CYP2E1: variants seen among roughly 807,000 people sequenced by gnomAD.
CYP2E1 encodes cytochrome P450 2E1.
CYP2E1 carries 31 observed loss-of-function variants against 42.9 expected under a neutral mutation model. The ratio of observed to expected loss-of-function variants is 0.72; its 90% CI spans 0.54 to 0.98. CYP2E1 has a LOEUF of 0.98. CYP2E1 is among the 50% of genes least tolerant of loss of function. CYP2E1 has a pLI of 0.00. For missense variants in CYP2E1, 565 were observed against 633.2 expected (o/e 0.89, Z 1.16); for synonymous variants, 244 against 248.9 (o/e 0.98, Z 0.19).
intron 6 of CYP2E1, 109 bp downstream of exon 6, chr10:133,534,006 C>A: frequency 8.2e-7 from 1 of 1,220,474 alleles, no homozygotes; most frequent in Non-Finnish European, 1.2e-6. Context: ...TGTTAACCCT[C>A]ATGGTGATGT....
intron 2 of CYP2E1, 87 bp downstream of exon 2, chr10:133,528,727 A>G: frequency 1.4e-6 from 2 of 1,462,816 alleles, no homozygotes; most frequent in Admixed American, 1.8e-5. Flanking sequence ...CGATGGCCAA[A>G]TAATAAACTA....
In CYP2E1 at chr10:133,528,757, A is replaced by G. The variant is rs1589953484; in HGVS notation, c.337+117A>G. On this transcript the variant is annotated intron_variant, in intron 2 of 8. Coordinates refer to ENST00000252945, the MANE Select transcript of CYP2E1 (RefSeq NM_000773.4). ...AAACTAACAGTAATATTATAGTAAC[A>G]GCATCCGAAGGATGAGATCAGGATT... 12 of 1,247,582 alleles carry G rather than the reference A, an allele frequency of 9.6e-6. No homozygotes were observed. The East Asian group carries it at 3.1e-4, about 32-fold the overall frequency. 77.3% of individuals were successfully genotyped at this position (1,247,582 alleles called of 1,614,324 possible).
At position 133,537,734 on chromosome 10, in the gene CYP2E1, G is replaced by T; in HGVS notation, c.1156-17G>T. 1 of 1,606,988 alleles carries T rather than the reference G, an allele frequency of 6.2e-7. No individual in the cohort carries two copies. The highest frequency in any genetic ancestry group is 8.5e-7 in the Non-Finnish European group (1 of 1,177,282). On this transcript the variant is annotated splice_polypyrimidine_tract_variant and intron_variant, in intron 7 of 8. Transcript: ENST00000252945. ...TTTGTTAACATGACTCACTGAGACA[G>T]TCTTTGTTTCTCCTAGGGCACAGTC...
At position 133,537,245 on chromosome 10, in the gene CYP2E1, C is replaced by T; in HGVS notation, c.1150C>T (p.Pro384Ser). 6.2e-7 allele frequency: 1 copy of T among 1,613,564 alleles called. No individual in the cohort carries two copies. Among genetic ancestry groups the T allele is most frequent in the Non-Finnish European group, 8.5e-7 (1 of 1,179,728 alleles). ...RDTIFRGYLI[P>S]KGTVVVPTLD... ...CACCATTTTCAGAGGATACCTCATC[C>T]CCAAGGTTAAGCAATGAGCCTGCAG... The change falls in exon 7 of 9, where the codon CCC (proline) becomes TCC (serine). Residue 384 changes from proline to serine, a missense_variant. By Grantham distance (74) the Pro-to-Ser change is moderately conservative. Coordinates refer to ENST00000252945, the MANE Select transcript of CYP2E1 (RefSeq NM_000773.4).
At chr10:133,528,091 G>T in intron 1 of CYP2E1, 1 of 238,270 alleles carries the variant, frequency 4.2e-6, no homozygotes, top group Non-Finnish European at 8.2e-6. Flanking sequence ...GCAGGCTGAC[G>T]GCGGGCGGGG....
chr10:133,538,489 C>G (rs762217876), intron 8 of CYP2E1, among the ~76,000 whole-genome samples: 1 of 152,162 alleles, frequency 6.6e-6, no homozygotes, highest in Non-Finnish European at 1.5e-5. Flanking sequence ...ACTGGGGGTG[C>G]CTTCTTTACT....
intron 2 of CYP2E1, among the ~76,000 whole-genome samples, chr10:133,529,414 C>T (rs1851311174): frequency 6.6e-6 from 1 of 152,216 alleles, no homozygotes; most frequent in African/African-American, 2.4e-5. Context: ...TCTCCTTCCT[C>T]CCTCCCTGCC....
At chr10:133,531,902 A>C (rs1042484526) in intron 3 of CYP2E1, 168 bp downstream of exon 3, 22 of 795,850 alleles carry the variant, frequency 2.8e-5, no homozygotes, top group Non-Finnish European at 4.1e-5. Flanking sequence ...CCAGCTACAC[A>C]GTTCAGGGAG....
At chr10:133,537,993 C>T (rs926906454) in intron 8 of CYP2E1, 101 bp downstream of exon 8, 2 of 1,167,712 alleles carry the variant, frequency 1.7e-6, no homozygotes, top group East Asian at 4.8e-5. Flanking sequence ...CCCACTGACA[C>T]CCCAAACCTC....
At chr10:133,532,598 C>A in intron 4 of CYP2E1, 94 bp from the exon 5 acceptor site, 1 of 1,144,102 alleles carries the variant, frequency 8.7e-7, no homozygotes, top group Non-Finnish European at 1.2e-6. Context: ...ATGATTACAG[C>A]CACAAATTCA....
chr10:133,531,397 A>C (rs1329805620), intron 2 of CYP2E1, among the ~76,000 whole-genome samples, 188 bp from the exon 3 acceptor site: 1 of 152,106 alleles, frequency 6.6e-6, no homozygotes, highest in African/African-American at 2.4e-5. Context: ...CTCCTCCCCA[A>C]AACCTGACCA....
rs35844228 is a variant in CYP2E1 at position 133,528,517 on chromosome 10, G to C, written c.214G>C (p.Val72Leu). 19 of 1,613,362 alleles carry C rather than the reference G, an allele frequency of 1.2e-5. No homozygotes were observed. In the East Asian group the frequency reaches 4.0e-4, roughly 34 times the overall value. The change falls in exon 2 of 9, where the codon GTG (valine) becomes CTG (leucine). Residue 72 changes from valine to leucine, a missense_variant. Coordinates refer to ENST00000252945, the MANE Select transcript of CYP2E1 (RefSeq NM_000773.4). ...CTTCGGGCCGGTGTTCACGCTGTAC[G>C]TGGGCTCGCAGCGCATGGTGGTGAT... Reference protein sequence around the residue: ...QRFGPVFTLYVGSQRMVVMHG... With the variant: ...QRFGPVFTLYLGSQRMVVMHG...
intron 5 of CYP2E1, among the ~76,000 whole-genome samples, chr10:133,533,240 C>A (rs1589955198): frequency 2.0e-5 from 3 of 152,352 alleles, no homozygotes; most frequent in East Asian, 1.9e-4. Flanking sequence ...TCCCCAGCTT[C>A]ATCCACCTGC....
At chr10:133,537,411 C>T (rs1851419327) in intron 7 of CYP2E1, 161 bp downstream of exon 7, 2 of 696,320 alleles carry the variant, frequency 2.9e-6, no homozygotes, top group Non-Finnish European at 4.7e-6. Flanking sequence ...ACTGCATCTC[C>T]AGGAGTGCTC....
chr10:133,537,251 G>T lies in CYP2E1; in HGVS notation c.1155+1G>T. On this transcript the variant is annotated splice_donor_variant, in intron 7 of 8. Transcript: ENST00000252945. LOFTEE classifies it high-confidence loss of function. ...TTTCAGAGGATACCTCATCCCCAAG[G>T]TTAAGCAATGAGCCTGCAGCACACA... The T allele has an allele frequency of 6.2e-7, 1 of 1,613,362 alleles. No individual in the cohort carries two copies. Among genetic ancestry groups the T allele is most frequent in the East Asian group, 2.2e-5 (1 of 44,866 alleles).
At chr10:133,530,659 G>T (rs995926424) in intron 2 of CYP2E1, among the ~76,000 whole-genome samples, 1 of 152,156 alleles carries the variant, frequency 6.6e-6, no homozygotes, top group Admixed American at 6.5e-5. Context: ...ACCGCAGAAT[G>T]CCCAGAGCTG....
chr10:133,527,529 T>C lies in CYP2E1; in HGVS notation c.134T>C (p.Leu45Pro). The change falls in exon 1 of 9, where the codon CTC (leucine) becomes CCC (proline). Residue 45 changes from leucine to proline, a missense_variant. Physicochemically the swap from Leu to Pro is moderately conservative, Grantham distance 98. Coordinates refer to ENST00000252945, the MANE Select transcript of CYP2E1 (RefSeq NM_000773.4). The stretch of plus-strand genomic sequence containing the variant: ...TTCCCGCTTCCCATCATCGGGAACC[T>C]CTTCCAGTTGGAATTGAAGAATATT... ...GPFPLPIIGN[L>P]FQLELKNIPK... 2 of 1,613,402 alleles carry C rather than the reference T, an allele frequency of 1.2e-6. No homozygotes were observed. Among genetic ancestry groups the C allele is most frequent in the African/African-American group, 2.7e-5 (2 of 75,050 alleles).
intron 6 of CYP2E1, 33 bp downstream of exon 6, chr10:133,533,930 C>T (rs376187713): frequency 9.9e-6 from 16 of 1,610,850 alleles, no homozygotes; most frequent in South Asian, 2.2e-5. Flanking sequence ...ACCGTGCGTG[C>T]GGCTGCATCT....
intron 6 of CYP2E1, among the ~76,000 whole-genome samples, chr10:133,535,446 T>G (rs905441596): frequency 2.0e-5 from 3 of 152,194 alleles, no homozygotes; most frequent in African/African-American, 7.2e-5. Context: ...GTTACAGGTG[T>G]GGCCACCGTG....
Sources: gnomAD v4.1 joint callset for allele counts (sites outside exome capture counted in the v4.1 genomes callset) on GRCh38, gnomAD v4.1.1 for gene constraint, MANE v1.5 for transcripts, NCBI Gene and HGNC (gene_info 2026-07-23, HGNC 2026-07-21) for gene names.